Variants in VPS18 observed in about 807,000 individuals in gnomAD.
VPS18 encodes vacuolar protein sorting-associated protein 18 homolog.
VPS18 carries 25 observed loss-of-function variants against 82.0 expected under a neutral mutation model. The observed-to-expected ratio is 0.30, with a 90% CI of 0.22 to 0.43. The LOEUF is 0.43. Ranked by LOEUF, VPS18 falls within the 20% of genes least tolerant of loss-of-function variation. The pLI, the probability that VPS18 is intolerant of heterozygous loss-of-function variation, is 1.00. For synonymous variants in VPS18, 523 were observed against 543.0 expected (o/e 0.96, Z 0.51); for missense variants, 1,168 against 1,311.1 (o/e 0.89, Z 1.69).
rs746199352 is a variant in VPS18, at chr15:40,900,109, G to A, written c.1291G>A (p.Asp431Asn). The change falls in exon 4 of 5, where the codon GAT becomes AAT. Residue 431 changes from aspartate (D) to asparagine (N), a missense_variant. By Grantham distance (23) the Asp-to-Asn change is conservative. This residue lies in a region of VPS18 where 868 missense variants were observed against 939.8 expected (regional missense o/e 0.92). Transcript: ENST00000220509. This position sits in a 1 kb window ranked among gnomAD's most constrained non-coding sequence, Gnocchi z 5.4. Reference protein sequence around the residue: ...CLDTVLAREADFCFRQRRYLE... With the variant: ...CLDTVLAREANFCFRQRRYLE... The stretch of plus-strand genomic sequence containing the variant: ...GGACACGGTCCTGGCCCGGGAGGCC[G>A]ATTTCTGCTTTCGCCAGCGTCGCTA... 43 of 1,613,734 alleles carry A rather than the reference G, an allele frequency of 2.7e-5. No individual in the cohort carries two copies. Among genetic ancestry groups the A allele is most frequent in the Admixed American group, 6.7e-5 (4 of 60,006 alleles).
intron 2 of VPS18, chr15:40,898,536 G>T: frequency 3.0e-6 from 1 of 328,754 alleles, no homozygotes. Flanking sequence ...CAGTGGTGTA[G>T]TCTCAGCTCA....
In VPS18 at chr15:40,902,112, CTTTCTTTTT is replaced by C. The variant is rs1892369018; in HGVS notation, c.2197-500_2197-492del. ...AGGTGATTTCTTTCTTTCTTTCTTTCTTTCTTTTTTTTTTTTTTGAGACGGAGTCTTGCT... is the reference window on the plus strand; with the variant it reads ...AGGTGATTTCTTTCTTTCTTTCTTTCTTTTTTTTTGAGACGGAGTCTTGCT... On this transcript the variant is annotated intron_variant, in intron 4 of 4. Coordinates refer to ENST00000220509, the MANE Select transcript of VPS18 (RefSeq NM_020857.3). The surrounding 1 kb of genome is among the most constrained non-coding windows in gnomAD (Gnocchi z 4.2). Among the ~76,000 whole-genome samples, 1 of 132,770 alleles carries C rather than the reference CTTTCTTTTT, an allele frequency of 7.5e-6. No individual in the cohort carries two copies. Among genetic ancestry groups the C allele is most frequent in the African/African-American group, 3.3e-5 (1 of 30,200 alleles). 87.1% of individuals were successfully genotyped at this position (132,770 alleles called of 152,430 possible).
rs1214494334 is a variant in VPS18 at position 40,902,130 on chromosome 15, T to G, written c.2197-486T>G. On this transcript the variant is annotated intron_variant, in intron 4 of 4. Transcript: ENST00000220509. The surrounding 1 kb of genome is among the most constrained non-coding windows in gnomAD (Gnocchi z 4.2). The stretch of plus-strand genomic sequence containing the variant: ...TTTCTTTCTTTCTTTTTTTTTTTTT[T>G]GAGACGGAGTCTTGCTCTGTTTCCC... Among the ~76,000 whole-genome samples the G allele has an allele frequency of 6.6e-6, 1 of 150,922 alleles. No homozygotes were observed. Among genetic ancestry groups the G allele is most frequent in the East Asian group, 1.9e-4 (1 of 5,140 alleles).
chr15:40,895,886 C>T, intron 1 of VPS18, 52 bp from the exon 2 acceptor site: 2 of 1,609,874 alleles, frequency 1.2e-6, no homozygotes, highest in Non-Finnish European at 1.7e-6. Context: ...CCTCTCCTTG[C>T]CCTTCACCTG....
At position 40,900,330 on chromosome 15, in the gene VPS18, G is replaced by A. The variant is rs1443462358; in HGVS notation, c.1512G>A (p.Gly504=). The A allele has an allele frequency of 6.2e-7, 1 of 1,613,554 alleles. No homozygotes were observed. Among genetic ancestry groups the A allele is most frequent in the South Asian group, 1.1e-5 (1 of 91,074 alleles). The change falls in exon 4 of 5, where the codon GGG becomes GGA. Residue 504 remains glycine (G), a synonymous_variant. Coordinates refer to ENST00000220509, the MANE Select transcript of VPS18 (RefSeq NM_020857.3). This position sits in a 1 kb window ranked among gnomAD's most constrained non-coding sequence, Gnocchi z 5.4. ...WLTELYLSRL[G]ALQGDPEALT... ...CAGAGCTCTACCTGAGCCGGCTTGG[G>A]GCTCTGCAGGGCGACCCAGAGGCCC...
chr15:40,903,323 G>C lies in VPS18; in HGVS notation c.2904G>C (p.Glu968Asp). 6.5e-7 allele frequency: 1 copy of C among 1,543,828 alleles called. No homozygotes were observed. Among genetic ancestry groups the C allele is most frequent in the Non-Finnish European group, 8.7e-7 (1 of 1,144,880 alleles). ...TCGACCCCCAGCGCTACGAGGAGGA[G>C]CAGCTCAGTTGGCTGTAGGAGGGTG... The part of the protein sequence containing the change: ...PFIDPQRYEE[E>D]QLSWL The change falls in exon 5 of 5, where the codon GAG becomes GAC. Residue 968 changes from glutamate (E) to aspartate (D), a missense_variant. Physicochemically the swap from Glu to Asp is conservative, Grantham distance 45. Coordinates refer to ENST00000220509, the MANE Select transcript of VPS18 (RefSeq NM_020857.3).
intron 2 of VPS18, among the ~76,000 whole-genome samples, chr15:40,897,017 T>C (rs1892240823): frequency 6.6e-6 from 1 of 151,562 alleles, no homozygotes; most frequent in African/African-American, 2.4e-5. Context: ...TTATCCTGGC[T>C]GGGCGAGGTG....
At chr15:40,896,516 A>T (rs1386752501) in intron 2 of VPS18, among the ~76,000 whole-genome samples, 4 of 98,144 alleles carry the variant, frequency 4.1e-5, no homozygotes, top group African/African-American at 1.7e-4. Context: ...CTGTCTCTTT[A>T]AAAAAAAAAA....
Position 40,900,221 on chromosome 15 carries a change from C to G in VPS18, c.1403C>G (p.Ala468Gly), listed in dbSNP as rs1190986662. ...LKFLEARQEE[A>G]LAEFLQRKLA... is the part of the protein sequence containing the mutation. ...TTCCTGGAGGCCCGACAGGAGGAGGCTCTGGCTGAGTTCCTGCAGCGAAAA... is the reference window on the plus strand; with the variant it reads ...TTCCTGGAGGCCCGACAGGAGGAGGGTCTGGCTGAGTTCCTGCAGCGAAAA... The change falls in exon 4 of 5, where the codon GCT becomes GGT. Residue 468 changes from alanine to glycine, a missense_variant. Physicochemically the swap from Ala to Gly is moderately conservative, Grantham distance 60 (BLOSUM62 0). Coordinates refer to ENST00000220509, the MANE Select transcript of VPS18 (RefSeq NM_020857.3). This position sits in a 1 kb window ranked among gnomAD's most constrained non-coding sequence, Gnocchi z 5.4. 1 of 1,613,818 alleles carries G rather than the reference C, an allele frequency of 6.2e-7. No individual in the cohort carries two copies.
In VPS18 at chr15:40,900,683, A is replaced by G; in HGVS notation, c.1865A>G (p.Asp622Gly). The G allele has an allele frequency of 1.2e-6, 2 of 1,614,082 alleles. No individual in the cohort carries two copies. The highest frequency in any genetic ancestry group is 1.7e-5 in the Admixed American group (1 of 60,006). Residue 622 changes from aspartate to glycine, a missense_variant, in exon 4 of 5, where the codon GAT (aspartate) becomes GGT (glycine). Asp to Gly is a moderately conservative substitution (Grantham distance 94). Coordinates refer to ENST00000220509, the MANE Select transcript of VPS18 (RefSeq NM_020857.3). This position sits in a 1 kb window ranked among gnomAD's most constrained non-coding sequence, Gnocchi z 5.4. Reference sequence around the variant, plus strand: ...TGGATTGAGATGGGCAGCCGGCTGGATGCTCGTCAGCTCATTCCTGCCCTG... The same window carrying G: ...TGGATTGAGATGGGCAGCCGGCTGGGTGCTCGTCAGCTCATTCCTGCCCTG... ...DAWIEMGSRL[D>G]ARQLIPALVN...
At position 40,898,931 on chromosome 15, in the gene VPS18, G is replaced by C; in HGVS notation, c.258G>C (p.Glu86Asp). 2 of 1,614,122 alleles carry C rather than the reference G, an allele frequency of 1.2e-6. No individual in the cohort carries two copies. Among genetic ancestry groups the C allele is most frequent in the South Asian group, 2.2e-5 (2 of 91,064 alleles). ...GCATTGACTTGGGCAAGGCAAATGA[G>C]CCCAACCACGTGGAGCTGGGACGTA... ...LLRIDLGKAN[E>D]PNHVELGRKD... Residue 86 changes from glutamate (E) to aspartate (D), a missense_variant, in exon 3 of 5, where the codon GAG (glutamate) becomes GAC (aspartate). Coordinates refer to ENST00000220509, the MANE Select transcript of VPS18 (RefSeq NM_020857.3).
At position 40,902,869 on chromosome 15, in the gene VPS18, A is replaced by G; in HGVS notation, c.2450A>G (p.Gln817Arg). 6.2e-7 allele frequency: 1 copy of G among 1,614,268 alleles called. No individual in the cohort carries two copies. Among genetic ancestry groups the G allele is most frequent in the Non-Finnish European group, 8.5e-7 (1 of 1,180,048 alleles). Residue 817 changes from glutamine (Q) to arginine (R), a missense_variant, in exon 5 of 5, where the codon CAG (glutamine) becomes CGG (arginine). This residue lies in a region of VPS18 where 296 missense variants were observed against 354.0 expected (regional missense o/e 0.84). Transcript: ENST00000220509. This position sits in a 1 kb window ranked among gnomAD's most constrained non-coding sequence, Gnocchi z 4.2. The part of the protein sequence containing the change: ...SSLKAYNHHI[Q>R]ELQREMEEAT... The stretch of plus-strand genomic sequence containing the variant: ...CTTAAGGCCTACAACCACCACATCC[A>G]GGAGCTGCAGCGGGAGATGGAAGAG...
In VPS18 at chr15:40,899,272, G is replaced by C. The variant is rs763837404; in HGVS notation, c.454G>C (p.Gly152Arg). 6.2e-7 allele frequency: 1 copy of C among 1,614,242 alleles called. No individual in the cohort carries two copies. Among genetic ancestry groups the C allele is most frequent in the Admixed American group, 1.7e-5 (1 of 60,032 alleles). The change falls in exon 4 of 5, where the codon GGC (glycine) becomes CGC (arginine). Residue 152 changes from glycine (G) to arginine (R), a missense_variant. Physicochemically the swap from Gly to Arg is moderately radical, Grantham distance 125. Coordinates refer to ENST00000220509, the MANE Select transcript of VPS18 (RefSeq NM_020857.3). This position sits in a 1 kb window ranked among gnomAD's most constrained non-coding sequence, Gnocchi z 4.4. ...GAGTGTGGGTTGGAACAAGGCACTGGGCACGGAGAGCAGCACAGGCCCCAT... is the reference window on the plus strand; with the variant it reads ...GAGTGTGGGTTGGAACAAGGCACTGCGCACGGAGAGCAGCACAGGCCCCAT... The part of the protein sequence containing the change: ...VESVGWNKAL[G>R]TESSTGPILV...
Position 40,900,504 on chromosome 15 carries a change from C to T in VPS18, c.1686C>T (p.Ile562=), listed in dbSNP as rs771901937. Residue 562 remains isoleucine (I), a synonymous_variant, in exon 4 of 5, where the codon ATC becomes ATT. Transcript: ENST00000220509. This position sits in a 1 kb window ranked among gnomAD's most constrained non-coding sequence, Gnocchi z 5.4. The part of the protein sequence containing the change: ...DTEHMVYFAV[I]MQDYERVVAY... ...AACACATGGTGTACTTTGCAGTGAT[C>T]ATGCAGGACTATGAGCGGGTGGTGG... 4.3e-6 allele frequency: 7 copies of T among 1,614,164 alleles called. No homozygotes were observed. The East Asian group carries it at 1.6e-4, about 36-fold the overall frequency.
Position 40,894,837 on chromosome 15 carries a change from T to C in VPS18, c.69T>C (p.Pro23=), listed in dbSNP as rs1343476070. ...SRSAVLQPGC[P]SVGIPHSGYV... ...CGGCCGTCTTGCAGCCCGGCTGCCC[T>C]AGCGTGGGCATCCCCCACTCGGGTA... Residue 23 remains proline (P), a synonymous_variant, in exon 1 of 5, where the codon CCT becomes CCC. Coordinates refer to ENST00000220509, the MANE Select transcript of VPS18 (RefSeq NM_020857.3). 1 of 1,554,300 alleles carries C rather than the reference T, an allele frequency of 6.4e-7. No individual in the cohort carries two copies.
chr15:40,903,063 G>C lies in VPS18; in HGVS notation c.2644G>C (p.Ala882Pro). The C allele has an allele frequency of 6.2e-7, 1 of 1,614,206 alleles. No individual in the cohort carries two copies. Among genetic ancestry groups the C allele is most frequent in the Non-Finnish European group, 8.5e-7 (1 of 1,180,048 alleles). The change falls in exon 5 of 5, where the codon GCT becomes CCT. Residue 882 changes from alanine to proline, a missense_variant. By Grantham distance (27) the Ala-to-Pro change is conservative. This residue lies in a region of VPS18 where 296 missense variants were observed against 354.0 expected (regional missense o/e 0.84). Coordinates refer to ENST00000220509, the MANE Select transcript of VPS18 (RefSeq NM_020857.3). ...GTTCCATGCTGACTGCCTGCTGCAG[G>C]CTGTGCGACCTGGCCTGCCAGCCTA... ...HMFHADCLLQ[A>P]VRPGLPAYKQ...
chr15:40,894,773 C>T lies in VPS18; in HGVS notation c.5C>T (p.Ala2Val), dbSNP rs1892199684. 1.3e-6 allele frequency: 2 copies of T among 1,549,256 alleles called. No individual in the cohort carries two copies. Among genetic ancestry groups the T allele is most frequent in the Non-Finnish European group, 1.7e-6 (2 of 1,146,110 alleles). M[A>V]SILDEYENSL... ...AGAGCCCAGAGGCCGGGCACCATGG[C>T]GTCCATCCTGGATGAGTACGAGAAC... Residue 2 changes from alanine (A) to valine (V), a missense_variant, in exon 1 of 5, where the codon GCG becomes GTG. Physicochemically the swap from Ala to Val is moderately conservative, Grantham distance 64. This residue lies in a region of VPS18 where 868 missense variants were observed against 939.8 expected (regional missense o/e 0.92). Transcript: ENST00000220509.
At position 40,903,051 on chromosome 15, in the gene VPS18, T is replaced by C; in HGVS notation, c.2632T>C (p.Cys878Arg). 1 of 1,614,240 alleles carries C rather than the reference T, an allele frequency of 6.2e-7. No homozygotes were observed. The highest frequency in any genetic ancestry group is 8.5e-7 in the Non-Finnish European group (1 of 1,180,044). ...FLCGHMFHAD[C>R]LLQAVRPGLP... ...CTGTGGCCATATGTTCCATGCTGACTGCCTGCTGCAGGCTGTGCGACCTGG... is the reference window on the plus strand; with the variant it reads ...CTGTGGCCATATGTTCCATGCTGACCGCCTGCTGCAGGCTGTGCGACCTGG... Residue 878 changes from cysteine (C) to arginine (R), a missense_variant, in exon 5 of 5, where the codon TGC becomes CGC. Cys to Arg is a radical substitution (Grantham distance 180). Around this residue, in one of 3 missense-constraint regions of VPS18, gnomAD observed 296 missense variants for 354.0 expected, o/e 0.84. Coordinates refer to ENST00000220509, the MANE Select transcript of VPS18 (RefSeq NM_020857.3).
rs1337574652 is a variant in VPS18, at chr15:40,899,175, G to A, written c.357G>A (p.Thr119=). 8 of 1,614,004 alleles carry A rather than the reference G, an allele frequency of 5.0e-6. No individual in the cohort carries two copies. In the African/African-American group the frequency reaches 6.7e-5, roughly 13 times the overall value. The stretch of plus-strand genomic sequence containing the variant: ...ACCTGCTGATTGCCCTGAGCAGCAC[G>A]GAGGTCCTCTACGTGAACCGAAATG... ...GSHLLIALSS[T]EVLYVNRNGQ... is the part of the protein sequence containing the mutation. The change falls in exon 4 of 5, where the codon ACG becomes ACA. Residue 119 remains threonine, a synonymous_variant. Transcript: ENST00000220509. The surrounding 1 kb of genome is among the most constrained non-coding windows in gnomAD (Gnocchi z 4.4).
Sources: gnomAD v4.1 joint callset for allele counts (sites outside exome capture counted in the v4.1 genomes callset) on GRCh38, gnomAD v4.1.1 for gene constraint, gnomAD v4.1.1 regional missense constraint, Gnocchi (gnomAD v3.1) non-coding constraint, MANE v1.5 for transcripts, NCBI Gene and HGNC (gene_info 2026-07-23, HGNC 2026-07-21) for gene names.